The following LUC7L2 variants were observed in gnomAD, a reference collection of about 807,000 sequenced individuals.
LUC7L2 encodes the protein LUC7 like 2, pre-mRNA splicing factor.
LUC7L2 carries 25 observed loss-of-function variants against 52.8 expected under a neutral mutation model. The ratio of observed to expected loss-of-function variants is 0.47; its 90% CI spans 0.34 to 0.66. The LOEUF is 0.66. LUC7L2 is among the 30% of genes least tolerant of loss of function. The pLI, the probability that LUC7L2 is intolerant of heterozygous loss-of-function variation, is 0.01. For missense variants in LUC7L2, 328 were observed against 497.8 expected, an observed-to-expected ratio of 0.66 and a Z score of 3.25; for synonymous variants, 144 against 160.9, an observed-to-expected ratio of 0.89 and a Z score of 0.80.
chr7:139,375,889 T>G (rs1044203151), intron 1 of LUC7L2, 173 bp from the exon 2 acceptor site: 1 of 616,324 alleles, frequency 1.6e-6, no homozygotes, highest in African/African-American at 1.9e-5. Context: ...TTACTGCAAC[T>G]GCATGTTGTC....
intron 1 of LUC7L2, among the ~76,000 whole-genome samples, chr7:139,362,285 T>G (rs974131339): frequency 6.6e-6 from 1 of 152,110 alleles, no homozygotes; most frequent in Non-Finnish European, 1.5e-5. Context: ...TCAAAATTAA[T>G]TCTATATATG....
intron 4 of LUC7L2, among the ~76,000 whole-genome samples, chr7:139,402,576 G>C (rs1036049493): frequency 4.6e-5 from 7 of 152,170 alleles, no homozygotes; most frequent in Non-Finnish European, 8.8e-5. Flanking sequence ...GCCCAGGCTG[G>C]AATGCAGTGG....
intron 2 of LUC7L2, among the ~76,000 whole-genome samples, chr7:139,390,462 C>T (rs549340512): frequency 1.3e-5 from 2 of 152,012 alleles, no homozygotes; most frequent in Non-Finnish European, 2.9e-5. Flanking sequence ...CTTCTGACCT[C>T]AAGTGATCCA....
intron 8 of LUC7L2, among the ~76,000 whole-genome samples, chr7:139,414,424 G>C (rs1291096156): frequency 1.3e-5 from 2 of 152,218 alleles, no homozygotes; most frequent in Non-Finnish European, 2.9e-5. Flanking sequence ...AATTTGTGTT[G>C]GGCTGTATTC....
chr7:139,349,087 G>T (rs1799367070), intron 1 of LUC7L2, among the ~76,000 whole-genome samples: 1 of 152,174 alleles, frequency 6.6e-6, no homozygotes, highest in African/African-American at 2.4e-5. Context: ...CCGGGAGGCG[G>T]AGGTTGCAGT....
chr7:139,379,189 T>G (rs1800862504), intron 2 of LUC7L2, among the ~76,000 whole-genome samples: 1 of 152,116 alleles, frequency 6.6e-6, no homozygotes, highest in South Asian at 2.1e-4. Flanking sequence ...TTTACCAGTA[T>G]TTTAGGTTAT....
intron 1 of LUC7L2, among the ~76,000 whole-genome samples, chr7:139,361,206 A>G (rs180871663): frequency 1.9e-4 from 29 of 152,374 alleles, no homozygotes; most frequent in African/African-American, 5.8e-4. Context: ...ATGTACTCTC[A>G]AATTCAACTT....
chr7:139,374,704 T>C (rs1569372934), intron 1 of LUC7L2: 1 of 1,324,950 alleles, frequency 7.5e-7, no homozygotes, highest in East Asian at 2.8e-5. Context: ...TGTTAAAATT[T>C]TATATACCCT....
intron 9 of LUC7L2, among the ~76,000 whole-genome samples, chr7:139,419,122 AAAAC>A (rs1227439868): frequency 1.3e-5 from 2 of 151,034 alleles, no homozygotes; most frequent in Admixed American, 1.3e-4. Context: ...AAAACAAAAA[AAAAC>A]AAACAAAAAA....
chr7:139,381,384 TA>T (rs1174498387), intron 2 of LUC7L2, among the ~76,000 whole-genome samples: 1 of 70,214 alleles, frequency 1.4e-5, no homozygotes, highest in Non-Finnish European at 2.5e-5. Flanking sequence ...ATTTTTATTT[TA>T]TTTTTTATTT....
chr7:139,370,113 T>C (rs889808514), intron 1 of LUC7L2, among the ~76,000 whole-genome samples: 5 of 152,210 alleles, frequency 3.3e-5, no homozygotes, highest in Non-Finnish European at 5.9e-5. Context: ...TTTCAAAGCA[T>C]CTGTATTATT....
At chr7:139,361,463 AT>A (rs1346474009) in intron 1 of LUC7L2, among the ~76,000 whole-genome samples, 1 of 152,240 alleles carries the variant, frequency 6.6e-6, no homozygotes, top group Non-Finnish European at 1.5e-5. Flanking sequence ...AATTTTAAAA[AT>A]TTTATTGCAT....
At chr7:139,353,650 G>A (rs537557687) in intron 1 of LUC7L2, among the ~76,000 whole-genome samples, 8 of 152,166 alleles carry the variant, frequency 5.3e-5, no homozygotes, top group Middle Eastern at 3.4e-3. Flanking sequence ...AAAATTAGCC[G>A]GGCGTGGTGG....
At chr7:139,361,133 A>G (rs570083026) in intron 1 of LUC7L2, among the ~76,000 whole-genome samples, 12 of 152,378 alleles carry the variant, frequency 7.9e-5, no homozygotes, top group African/African-American at 2.4e-4. Context: ...ATCCTTTGTC[A>G]TAAAGAGAAT....
At chr7:139,389,051 A>ATT (rs11480564) in intron 2 of LUC7L2, among the ~76,000 whole-genome samples, 38,704 of 144,924 alleles carry the variant, frequency 0.27, 5,524 homozygotes, top group African/African-American at 0.38. Flanking sequence ...TTTTTAAATG[A>ATT]TTTTTTTTTT....
In LUC7L2 at chr7:139,366,588, G is replaced by A. The variant is rs1800166285; in HGVS notation, c.61+6266G>A. On this transcript the variant is annotated intron_variant, in intron 1 of 9. Coordinates refer to ENST00000354926, the MANE Select transcript of LUC7L2 (RefSeq NM_016019.5). ...TAAAGTTTTATTGGAACACATCCAT[G>A]CCGATTCATATACATGATGTCTATG... 2.0e-5 allele frequency among the ~76,000 whole-genome samples: 3 copies of A among 152,236 alleles called. No individual in the cohort carries two copies. In the South Asian group the frequency reaches 6.2e-4, roughly 31 times the overall value.
intron 1 of LUC7L2, among the ~76,000 whole-genome samples, chr7:139,370,177 G>T (rs1360061066): frequency 6.6e-6 from 1 of 152,108 alleles, no homozygotes; most frequent in African/African-American, 2.4e-5. Context: ...TACTTTGGAT[G>T]GTTTAAATAT....
rs745512659 is a variant in LUC7L2 at position 139,393,612 on chromosome 7, A to G, written c.157-4987A>G. 1.8e-4 allele frequency among the ~76,000 whole-genome samples: 28 copies of G among 151,856 alleles called. No homozygotes were observed. In the Middle Eastern group the frequency reaches 0.01, roughly 55 times the overall value. On this transcript the variant is annotated intron_variant, in intron 2 of 9. Coordinates refer to ENST00000354926, the MANE Select transcript of LUC7L2 (RefSeq NM_016019.5). ...CAGGTGCCTGCCACCCTGTCCAGCT[A>G]TTTTTTGTGTTTTTAGTAGAGATGG...
chr7:139,365,536 C>T (rs1432306785), intron 1 of LUC7L2, among the ~76,000 whole-genome samples: 1 of 152,026 alleles, frequency 6.6e-6, no homozygotes, highest in Non-Finnish European at 1.5e-5. Flanking sequence ...AGGTACTCTT[C>T]AGTAACAGGT....
Sources: allele counts gnomAD v4.1 joint callset (sites outside exome capture counted in the v4.1 genomes callset), GRCh38; gene constraint gnomAD v4.1.1; transcripts MANE v1.5; gene names NCBI Gene and HGNC (gene_info 2026-07-23, HGNC 2026-07-21).